The following SLC27A2 variants were observed in gnomAD, a reference collection of about 807,000 sequenced individuals.
SLC27A2 encodes the protein solute carrier family 27 member 2.
A neutral mutation model predicts 60.0 loss-of-function variants in SLC27A2; 54 were observed. The observed-to-expected ratio is 0.90, with a 90% confidence interval of 0.72 to 1.13. The LOEUF is 1.13. SLC27A2 is among the 50% of genes most tolerant of loss of function. The pLI is 0.00. For missense variants in SLC27A2, 739 were observed against 777.6 expected (o/e 0.95, Z 0.59); for synonymous variants, 297 against 297.6 (o/e 1.00, Z 0.02).
chr15:50,224,544 A>C (rs750540295), intron 5 of SLC27A2, among the ~76,000 whole-genome samples: 5 of 152,200 alleles, frequency 3.3e-5, no homozygotes, highest in East Asian at 1.9e-4. Flanking sequence ...AATGATGATA[A>C]TCACTCTATT....
At chr15:50,193,645 A>G (rs972302995) in intron 1 of SLC27A2, among the ~76,000 whole-genome samples, 1 of 152,182 alleles carries the variant, frequency 6.6e-6, no homozygotes, top group Non-Finnish European at 1.5e-5. Flanking sequence ...TTCATCTTAC[A>G]TTATGTTTCA....
chr15:50,235,776 A>G, intron 9 of SLC27A2, 144 bp from the exon 10 acceptor site: 1 of 561,830 alleles, frequency 1.8e-6, no homozygotes, highest in Non-Finnish European at 3.1e-6. Flanking sequence ...GGAAAACTTT[A>G]TTTTAACTTT....
chr15:50,201,267 G>A (rs2045061550), intron 2 of SLC27A2, among the ~76,000 whole-genome samples: 1 of 151,898 alleles, frequency 6.6e-6, no homozygotes, highest in East Asian at 1.9e-4. Context: ...TACAGGACTG[G>A]CCAACTTTTA....
chr15:50,224,475 C>T (rs1452783327), intron 5 of SLC27A2, among the ~76,000 whole-genome samples: 1 of 152,090 alleles, frequency 6.6e-6, no homozygotes, highest in Non-Finnish European at 1.5e-5. Flanking sequence ...TATGAAAAGG[C>T]CCTTAGAGGC....
At chr15:50,189,704 T>C (rs1245020892) in intron 1 of SLC27A2, among the ~76,000 whole-genome samples, 2 of 152,162 alleles carry the variant, frequency 1.3e-5, no homozygotes, top group Non-Finnish European at 2.9e-5. Context: ...AAGAGAAGGA[T>C]AGAGTTCAGA....
Position 50,236,246 on chromosome 15 carries a change from T to C in SLC27A2, c.*150T>C, listed in dbSNP as rs557900795. 3.7e-6 allele frequency: 2 copies of C among 536,608 alleles called. No homozygotes were observed. Among genetic ancestry groups the C allele is most frequent in the African/African-American group, 3.9e-5 (2 of 51,566 alleles). 33.2% of individuals were successfully genotyped at this position (536,608 alleles called of 1,614,324 possible). A position where few individuals can be genotyped will look rare whatever the true frequency, so the allele number is the denominator to read the frequency against. ...AAGGGAGACTTTTTTAAATAACAGT[T>C]GAGTCTTTGCAAGTAAAAAGATTTA... On this transcript the variant is annotated 3_prime_UTR_variant, in exon 10 of 10. Transcript: ENST00000267842.
intron 7 of SLC27A2, 77 bp downstream of exon 7, chr15:50,227,255 C>A: frequency 8.8e-7 from 1 of 1,133,472 alleles, no homozygotes; most frequent in Non-Finnish European, 1.3e-6. Context: ...TCGCATTCCA[C>A]TTTGGTTATG....
intron 6 of SLC27A2, among the ~76,000 whole-genome samples, chr15:50,226,391 G>A (rs548032786): frequency 1.2e-4 from 18 of 152,276 alleles, no homozygotes; most frequent in South Asian, 4.1e-4. Context: ...ACAACTGTGC[G>A]TTTGTGTAAG....
rs374651568 is a variant in SLC27A2, at chr15:50,233,982, G to C, written c.1670G>C (p.Arg557Pro). ...ADYLPSYARP[R>P]FLRIQDTIEI... ...TACCTACCTAGTTATGCAAGGCCCC[G>C]GTTTCTAAGAATACAGGTGAGATCT... The change falls in exon 9 of 10, where the codon CGG becomes CCG. Residue 557 changes from arginine to proline, a missense_variant. Transcript: ENST00000267842. 1 of 1,611,696 alleles carries C rather than the reference G, an allele frequency of 6.2e-7. No individual in the cohort carries two copies. The highest frequency in any genetic ancestry group is 1.7e-5 in the Admixed American group (1 of 59,492).
intron 7 of SLC27A2, among the ~76,000 whole-genome samples, chr15:50,228,585 AC>A (rs2045293374): frequency 6.6e-6 from 1 of 152,092 alleles, no homozygotes; most frequent in South Asian, 2.1e-4. Flanking sequence ...TTAAGTAGCA[AC>A]TGAGTTAGTA....
At chr15:50,234,785 G>A (rs956308110) in intron 9 of SLC27A2, among the ~76,000 whole-genome samples, 3 of 151,972 alleles carry the variant, frequency 2.0e-5, no homozygotes, top group African/African-American at 7.3e-5. Context: ...AAAACAGCTA[G>A]AAGAAATCCA....
intron 1 of SLC27A2, among the ~76,000 whole-genome samples, chr15:50,193,408 C>A (rs556872298): frequency 1.3e-4 from 20 of 152,276 alleles, no homozygotes; most frequent in African/African-American, 4.8e-4. Context: ...CTGCCTGGCA[C>A]ACAGGGAACA....
intron 1 of SLC27A2, chr15:50,190,911 A>G (rs1423724178): frequency 1.3e-5 from 2 of 152,232 alleles, no homozygotes; most frequent in Non-Finnish European, 2.9e-5. Context: ...AGAAAAGATC[A>G]TCCATGTTAC....
intron 8 of SLC27A2, among the ~76,000 whole-genome samples, chr15:50,232,826 C>CT (rs1158359952): frequency 2.0e-5 from 3 of 152,160 alleles, no homozygotes; most frequent in Admixed American, 6.5e-5. Context: ...GAGGGGGCAT[C>CT]TTTTTTTCCT....
chr15:50,185,791 G>A (rs569600443), intron 1 of SLC27A2, among the ~76,000 whole-genome samples: 8 of 151,854 alleles, frequency 5.3e-5, no homozygotes, highest in South Asian at 4.2e-4. Flanking sequence ...CACCACGCCC[G>A]GATAATTTTT....
chr15:50,220,630 A>G (rs989308157), intron 4 of SLC27A2, among the ~76,000 whole-genome samples: 1 of 152,200 alleles, frequency 6.6e-6, no homozygotes, highest in Non-Finnish European at 1.5e-5. Context: ...CAAGTCTTCA[A>G]ATATGTGTGA....
At chr15:50,208,760 AT>A (rs2045132812) in intron 4 of SLC27A2, among the ~76,000 whole-genome samples, 1 of 152,234 alleles carries the variant, frequency 6.6e-6, no homozygotes, top group African/African-American at 2.4e-5. Flanking sequence ...TTTTTAAAAT[AT>A]TATAGTGAAT....
Position 50,229,038 on chromosome 15 carries a change from G to A in SLC27A2, c.1551G>A (p.Val517=). The change falls in exon 8 of 10, where the codon GTG becomes GTA. Residue 517 remains valine (V), a synonymous_variant. Coordinates refer to ENST00000267842, the MANE Select transcript of SLC27A2 (RefSeq NM_003645.4). ...AAGTAAATGTTTATGGAGTGCATGT[G>A]CCAGGTATATACAAGATATGATCTG... ...VQEVNVYGVH[V]PDHEGRIGMA... is the part of the protein sequence containing the mutation. 1 of 1,601,622 alleles carries A rather than the reference G, an allele frequency of 6.2e-7. No homozygotes were observed. The highest frequency in any genetic ancestry group is 8.5e-7 in the Non-Finnish European group (1 of 1,170,580).
intron 1 of SLC27A2, among the ~76,000 whole-genome samples, chr15:50,188,982 A>AATAGATAAATAGATAG (rs1555500194): frequency 8.1e-5 from 11 of 135,528 alleles, no homozygotes; most frequent in African/African-American, 2.6e-4. Context: ...TAGATAGATA[A>AATAGATAAATAGATAG]ATAGATAGAT....
Sources: allele counts gnomAD v4.1 joint callset (sites outside exome capture counted in the v4.1 genomes callset), GRCh38; gene constraint gnomAD v4.1.1; transcripts MANE v1.5; gene names NCBI Gene and HGNC (gene_info 2026-07-23, HGNC 2026-07-21).